Variants in MICU2 observed in about 807,000 individuals in gnomAD.
MICU2 encodes the protein calcium uptake protein 2, mitochondrial.
MICU2 carries 64 observed loss-of-function variants against 60.4 expected under a neutral mutation model. The ratio of observed to expected loss-of-function variants is 1.06; its 90% CI spans 0.87 to 1.31. The LOEUF (loss-of-function observed/expected upper bound fraction) is 1.31, where lower values mean the gene tolerates loss of function less well. Among genes scored for constraint, MICU2 ranks in the 50% most tolerant of loss-of-function variants. MICU2 has a pLI of 0.00. For missense variants in MICU2, 569 were observed against 531.0 expected (o/e 1.07, Z -0.70); for synonymous variants, 201 against 175.0 (o/e 1.15, Z -1.17).
At chr13:21,587,262 C>G (rs1888480005) in intron 1 of MICU2, among the ~76,000 whole-genome samples, 1 of 152,154 alleles carries the variant, frequency 6.6e-6, no homozygotes. Context: ...AATGAGTAAA[C>G]AGTGGAGAGG....
intron 7 of MICU2, among the ~76,000 whole-genome samples, chr13:21,511,969 T>A (rs1566142546): frequency 6.6e-6 from 1 of 152,230 alleles, no homozygotes; most frequent in Non-Finnish European, 1.5e-5. Context: ...TGTTTCCCGT[T>A]TGGGCTGGAT....
chr13:21,521,417 C>G lies in MICU2; in HGVS notation c.515-90G>C. 5.2e-6 allele frequency: 5 copies of G among 952,788 alleles called. No homozygotes were observed. The South Asian group carries it at 6.2e-5, about 12-fold the overall frequency. 59.0% of individuals were successfully genotyped at this position (952,788 alleles called of 1,614,324 possible). On this transcript the variant is annotated intron_variant, in intron 5 of 11. Coordinates refer to ENST00000382374, the MANE Select transcript of MICU2 (RefSeq NM_152726.3). The stretch of plus-strand genomic sequence containing the variant: ...GGTCTTCAAATTTGACATACACTAG[C>G]AGAAACTGTATGAGTAAGTGCCTAC...
chr13:21,543,189 C>T (rs1417305288), intron 2 of MICU2, among the ~76,000 whole-genome samples: 1 of 152,174 alleles, frequency 6.6e-6, no homozygotes, highest in Non-Finnish European at 1.5e-5. Flanking sequence ...TAACCTTCTT[C>T]ATATCACTAA....
chr13:21,502,943 T>C lies in MICU2; in HGVS notation c.916A>G (p.Lys306Glu). The C allele has an allele frequency of 1.2e-6, 2 of 1,610,700 alleles. No homozygotes were observed. Among genetic ancestry groups the C allele is most frequent in the East Asian group, 4.5e-5 (2 of 44,788 alleles). Reference protein sequence around the residue: ...KDIYWKNVREKLSAGESISLD... With the variant: ...KDIYWKNVREELSAGESISLD... ...ATACCAACCTCTCCTGCTGACAACTTCTCTCTCACATTTTTCCAATAAATA... is the reference window on the plus strand; with the variant it reads ...ATACCAACCTCTCCTGCTGACAACTCCTCTCTCACATTTTTCCAATAAATA... The change falls in exon 9 of 12, where the codon AAG becomes GAG. Residue 306 changes from lysine to glutamate, a missense_variant. By Grantham distance (56) the Lys-to-Glu change is moderately conservative. Transcript: ENST00000382374.
Position 21,604,117 on chromosome 13 carries a change from A to C in MICU2, c.32T>G (p.Val11Gly). The change falls in exon 1 of 12, where the codon GTG (valine) becomes GGG (glycine). Residue 11 changes from valine to glycine, a missense_variant. By Grantham distance (109) the Val-to-Gly change is moderately radical (BLOSUM62 -3). Transcript: ENST00000382374. ...TCGCAGTTTTCCGCCCCAGGCCGCC[A>C]CCCGCGCGCAGCTACCCGCAGCCGC... is the stretch of plus-strand genomic sequence containing the variant. MAAAAGSCARVAAWGGKLRRG... is the reference protein window; with the variant it reads MAAAAGSCARGAAWGGKLRRG... 6.3e-7 allele frequency: 1 copy of C among 1,576,868 alleles called. No individual in the cohort carries two copies.
At chr13:21,553,839 C>A (rs1887633962) in intron 2 of MICU2, among the ~76,000 whole-genome samples, 1 of 152,006 alleles carries the variant, frequency 6.6e-6, no homozygotes, top group South Asian at 2.1e-4. Flanking sequence ...GGAGGAAGAT[C>A]TATCAAGCAA....
intron 1 of MICU2, among the ~76,000 whole-genome samples, chr13:21,582,152 G>A (rs1193361139): frequency 6.6e-6 from 1 of 152,176 alleles, no homozygotes; most frequent in East Asian, 1.9e-4. Flanking sequence ...AGAGCAAGGA[G>A]ACAGGGGCAA....
chr13:21,584,218 T>A (rs1888410573), intron 1 of MICU2, among the ~76,000 whole-genome samples: 1 of 151,560 alleles, frequency 6.6e-6, no homozygotes, highest in Non-Finnish European at 1.5e-5. Flanking sequence ...TGAAACCCCG[T>A]CTCTACTAAA....
In MICU2 at chr13:21,577,996, A is replaced by C. The variant is rs571335310; in HGVS notation, c.211-11052T>G. 2.5e-3 allele frequency among the ~76,000 whole-genome samples: 381 copies of C among 151,440 alleles called. 3 individuals are homozygous for C. The highest frequency in any genetic ancestry group is 8.3e-3 in the African/African-American group (345 of 41,398). ...TCCAAAAAAAATTTAAAATAATAAT[A>C]ATAATAATAAATTAAAAGAAAAAAA... On this transcript the variant is annotated intron_variant, in intron 1 of 11. Transcript: ENST00000382374.
At chr13:21,563,450 G>A (rs1887898827) in intron 2 of MICU2, among the ~76,000 whole-genome samples, 1 of 138,516 alleles carries the variant, frequency 7.2e-6, no homozygotes, top group African/African-American at 2.7e-5. Context: ...GTGAGACTTT[G>A]TCTCAAAAAA....
chr13:21,502,291 A>AT (rs1403603814), intron 9 of MICU2, among the ~76,000 whole-genome samples: 1 of 152,126 alleles, frequency 6.6e-6, no homozygotes, highest in East Asian at 1.9e-4. Flanking sequence ...CATTGTAAAC[A>AT]TTTTTTTGGA....
chr13:21,578,825 A>C (rs1456519787), intron 1 of MICU2, among the ~76,000 whole-genome samples: 1 of 152,226 alleles, frequency 6.6e-6, no homozygotes, highest in Non-Finnish European at 1.5e-5. Context: ...ATGCCTTTGT[A>C]ACAAGAGGAA....
intron 5 of MICU2, among the ~76,000 whole-genome samples, chr13:21,522,079 C>G (rs1258564863): frequency 6.6e-6 from 1 of 152,248 alleles, no homozygotes; most frequent in Non-Finnish European, 1.5e-5. Flanking sequence ...TACATAACCA[C>G]AGTACATTTA....
intron 6 of MICU2, among the ~76,000 whole-genome samples, chr13:21,517,799 A>ACACGCGCGCG (rs1244489287): frequency 2.9e-5 from 4 of 136,402 alleles, no homozygotes; most frequent in African/African-American, 1.2e-4. Context: ...ACACACACAC[A>ACACGCGCGCG]CGCGCGCGCG....
At chr13:21,547,501 T>C (rs1887444161) in intron 2 of MICU2, among the ~76,000 whole-genome samples, 1 of 152,170 alleles carries the variant, frequency 6.6e-6, no homozygotes, top group Non-Finnish European at 1.5e-5. Context: ...ATGAATTCTA[T>C]TAATGTAATA....
At chr13:21,528,950 C>T (rs570326384) in intron 4 of MICU2, among the ~76,000 whole-genome samples, 88 of 152,074 alleles carry the variant, frequency 5.8e-4, no homozygotes, top group Non-Finnish European at 1.1e-3. Flanking sequence ...AAGGGAAGAG[C>T]GTGTGCAAAA....
chr13:21,505,999 C>T (rs561499572), intron 8 of MICU2, among the ~76,000 whole-genome samples: 3 of 151,280 alleles, frequency 2.0e-5, no homozygotes, highest in Admixed American at 6.6e-5. Flanking sequence ...ACTATCTTTT[C>T]GTTTTCATTC....
chr13:21,597,550 C>T (rs542659981), intron 1 of MICU2, among the ~76,000 whole-genome samples: 1 of 151,982 alleles, frequency 6.6e-6, no homozygotes, highest in Admixed American at 6.6e-5. Flanking sequence ...TATGTGACTG[C>T]GATTATTCTA....
intron 1 of MICU2, among the ~76,000 whole-genome samples, chr13:21,571,513 C>T (rs1368441421): frequency 6.6e-6 from 1 of 152,086 alleles, no homozygotes; most frequent in Non-Finnish European, 1.5e-5. Context: ...CTGGCTAACA[C>T]AGTGAAACCC....
Sources: allele counts gnomAD v4.1 joint callset (sites outside exome capture counted in the v4.1 genomes callset), GRCh38; gene constraint gnomAD v4.1.1; transcripts MANE v1.5; gene names NCBI Gene and HGNC (gene_info 2026-07-23, HGNC 2026-07-21).